The following ATP2A3 variants were observed in gnomAD, a reference collection of about 807,000 sequenced individuals.
ATP2A3 encodes sarcoplasmic/endoplasmic reticulum calcium ATPase 3.
In ATP2A3, 61 loss-of-function variants were observed where a neutral mutation model predicts 106.8. The observed-to-expected ratio is 0.57, with a 90% CI of 0.46 to 0.71. The LOEUF is 0.71. ATP2A3 is among the 30% of genes least tolerant of loss of function. The pLI, the probability that ATP2A3 is intolerant of heterozygous loss-of-function variation, is 0.00. For synonymous variants in ATP2A3, 611 were observed against 609.3 expected (o/e 1.00, Z -0.04); for missense variants, 1,201 against 1,423.5 (o/e 0.84, Z 2.52).
rs2052889883 is a variant in ATP2A3 at position 3,929,084 on chromosome 17, C to CTCG, written c.2862+241_2862+243dup. ...GCGGGAGGATTCTGCCCTGGGAAAG[C>CTCG]TCGTCCTTCCTCCCACCCCAGCCTG... is the stretch of plus-strand genomic sequence containing the variant. On this transcript the variant is annotated intron_variant, in intron 19 of 20. Coordinates refer to ENST00000397041, the MANE Select transcript of ATP2A3 (RefSeq NM_005173.4). This position sits in a 1 kb window ranked among gnomAD's most constrained non-coding sequence, Gnocchi z 4.3. Among the ~76,000 whole-genome samples the CTCG allele has an allele frequency of 6.6e-6, 1 of 152,180 alleles. No individual in the cohort carries two copies. Among genetic ancestry groups the CTCG allele is most frequent in the Non-Finnish European group, 1.5e-5 (1 of 68,030 alleles).
rs1321831889 is a variant in ATP2A3, at chr17:3,925,812, C to CGA, written c.2981-373_2981-372dup. Among the ~76,000 whole-genome samples the CGA allele has an allele frequency of 1.3e-5, 2 of 152,092 alleles. No homozygotes were observed. Among genetic ancestry groups the CGA allele is most frequent in the African/African-American group, 2.4e-5 (1 of 41,418 alleles). ...CCCAGGCCTGATTTCACCCAAATTG[C>CGA]GAGAGCTCATCTCTCCCACTGCCTT... On this transcript the variant is annotated intron_variant, in intron 20 of 20. Transcript: ENST00000397041. This position sits in a 1 kb window ranked among gnomAD's most constrained non-coding sequence, Gnocchi z 4.2.
rs749970958 is a variant in ATP2A3, at chr17:3,924,759, G to A, written c.*663C>T. ...GACATCCTCGCTCCGCCCTCCTGCC[G>A]GCTCCTTGTGTCCGTCTCTCTGACC... On this transcript the variant is annotated 3_prime_UTR_variant, in exon 21 of 21. Coordinates refer to ENST00000397041, the MANE Select transcript of ATP2A3 (RefSeq NM_005173.4). This position sits in a 1 kb window ranked among gnomAD's most constrained non-coding sequence, Gnocchi z 6.4. 51 of 456,594 alleles carry A rather than the reference G, an allele frequency of 1.1e-4. No individual in the cohort carries two copies. The highest frequency in any genetic ancestry group is 1.4e-4 in the Non-Finnish European group (31 of 226,932). 28.3% of individuals were successfully genotyped at this position (456,594 alleles called of 1,614,324 possible).
chr17:3,953,262 C>T lies in ATP2A3; in HGVS notation c.219+85G>A. 1 of 1,460,804 alleles carries T rather than the reference C, an allele frequency of 6.8e-7. No individual in the cohort carries two copies. Among genetic ancestry groups the T allele is most frequent in the South Asian group, 1.1e-5 (1 of 87,720 alleles). The allele number at this position is 1,460,804 out of a possible 1,614,324, so 90.5% of individuals were successfully genotyped here. A position where few individuals can be genotyped will look rare whatever the true frequency, so the allele number is the denominator to read the frequency against. ...CCAGGGTGTGGAGGACAGGCCCAGG[C>T]TCCAGGACCTCGGAGCACTGCCCAG... On this transcript the variant is annotated intron_variant, in intron 3 of 20. Transcript: ENST00000397041. This position sits in a 1 kb window ranked among gnomAD's most constrained non-coding sequence, Gnocchi z 5.1.
At chr17:3,941,342 C>T in intron 13 of ATP2A3, 36 bp from the exon 14 acceptor site, 1 of 1,613,322 alleles carries the variant, frequency 6.2e-7, no homozygotes, top group South Asian at 1.1e-5. Context: ...GGGGCCTGAG[C>T]CCATCCCTGA....
chr17:3,935,336 TC>T, intron 16 of ATP2A3, 59 bp from the exon 17 acceptor site: 1 of 1,504,400 alleles, frequency 6.6e-7, no homozygotes, highest in Non-Finnish European at 9.2e-7. Context: ...GGCGTCTGTT[TC>T]CCCTGCCTAA....
At chr17:3,946,261 A>T (rs1378967616) in intron 8 of ATP2A3, among the ~76,000 whole-genome samples, 2 of 125,930 alleles carry the variant, frequency 1.6e-5, no homozygotes, top group Admixed American at 8.4e-5. Flanking sequence ...AAAAAAAAAA[A>T]TTTATTAGGG....
Position 3,936,084 on chromosome 17 carries a change from T to G in ATP2A3, c.2524+183A>C, listed in dbSNP as rs2053426351. Among the ~76,000 whole-genome samples, 1 of 152,228 alleles carries G rather than the reference T, an allele frequency of 6.6e-6. No individual in the cohort carries two copies. Among genetic ancestry groups the G allele is most frequent in the African/African-American group, 2.4e-5 (1 of 41,450 alleles). ...GGGCCTGAGAATGAAGCTGAGGCAG[T>G]GCCAAAATATGCCAGTGATACTGAG... is the stretch of plus-strand genomic sequence containing the variant. On this transcript the variant is annotated intron_variant, in intron 16 of 20. Coordinates refer to ENST00000397041, the MANE Select transcript of ATP2A3 (RefSeq NM_005173.4). The surrounding 1 kb of genome is among the most constrained non-coding windows in gnomAD (Gnocchi z 5.4).
rs753503229 is a variant in ATP2A3 at position 3,936,356 on chromosome 17, G to C, written c.2435C>G (p.Pro812Arg). Residue 812 changes from proline to arginine, a missense_variant, in exon 16 of 21, where the codon CCA (proline) becomes CGA (arginine). By Grantham distance (103) the Pro-to-Arg change is moderately radical. This residue lies in a region of ATP2A3 where 935 missense variants were observed against 1,176.7 expected (regional missense o/e 0.79). Transcript: ENST00000397041. The surrounding 1 kb of genome is among the most constrained non-coding windows in gnomAD (Gnocchi z 5.4). ...LPATALGFNP[P>R]DLDIMEKLPR... is the part of the protein sequence containing the mutation. ...CAGCTTCTCCATGATGTCCAGGTCT[G>C]GCGGGTTGAAGCCCAGAGCCGTGGC... The C allele has an allele frequency of 6.2e-7, 1 of 1,614,168 alleles. No individual in the cohort carries two copies. The highest frequency in any genetic ancestry group is 8.5e-7 in the Non-Finnish European group (1 of 1,180,030).
intron 4 of ATP2A3, 38 bp downstream of exon 4, chr17:3,951,543 A>ACCC (rs56224024): frequency 4.3e-4 from 592 of 1,388,240 alleles, no homozygotes; most frequent in Middle Eastern, 7.6e-4. Context: ...TGGCTGGGAG[A>ACCC]CCGCCCCCCG....
chr17:3,945,613 C>T (rs968277981), intron 8 of ATP2A3, among the ~76,000 whole-genome samples: 7 of 152,212 alleles, frequency 4.6e-5, no homozygotes, highest in African/African-American at 1.7e-4. Flanking sequence ...GGGGCACAGA[C>T]CCCTCTAGCC....
intron 7 of ATP2A3, among the ~76,000 whole-genome samples, chr17:3,948,673 C>T (rs778672595): frequency 4.6e-5 from 7 of 152,176 alleles, no homozygotes; most frequent in Admixed American, 6.5e-5. Context: ...CCTGCTTTGG[C>T]CTCCCAAAGT....
rs867469219 is a variant in ATP2A3 at position 3,938,586 on chromosome 17, C to T, written c.2101-950G>A. Among the ~76,000 whole-genome samples the T allele has an allele frequency of 6.8e-4, 103 of 151,764 alleles. 1 individual carries two copies. The highest frequency in any genetic ancestry group is 2.3e-3 in the African/African-American group (94 of 41,408). Reference sequence around the variant, plus strand: ...TGGGGGACAGAGTCTCACTCTATCGCCCAGGCTGGAGTGCAATGGCACAAT... The same window carrying T: ...TGGGGGACAGAGTCTCACTCTATCGTCCAGGCTGGAGTGCAATGGCACAAT... On this transcript the variant is annotated intron_variant, in intron 14 of 20. Coordinates refer to ENST00000397041, the MANE Select transcript of ATP2A3 (RefSeq NM_005173.4).
rs1280159752 is a variant in ATP2A3, at chr17:3,936,460, G to A, written c.2331C>T (p.Leu777=). Residue 777 remains leucine (L), a synonymous_variant, in exon 16 of 21, where the codon CTC becomes CTT. Coordinates refer to ENST00000397041, the MANE Select transcript of ATP2A3 (RefSeq NM_005173.4). This position sits in a 1 kb window ranked among gnomAD's most constrained non-coding sequence, Gnocchi z 5.4. ...CTTCGGGCAGGCCCAGAATTGCCGTGAGGAAGATGCTGGAACAGAGTCATG... is the reference window on the plus strand; with the variant it reads ...CTTCGGGCAGGCCCAGAATTGCCGTAAGGAAGATGCTGGAACAGAGTCATG... ...SNVGEVVCIF[L]TAILGLPEAL... The A allele has an allele frequency of 9.9e-6, 16 of 1,614,070 alleles. No individual in the cohort carries two copies. Among genetic ancestry groups the A allele is most frequent in the Non-Finnish European group, 1.4e-5 (16 of 1,180,030 alleles).
chr17:3,940,031 C>CTTTTTTTTTTTT lies in ATP2A3; in HGVS notation c.2100+939_2100+940insAAAAAAAAAAAA, dbSNP rs1174008086. Among the ~76,000 whole-genome samples the CTTTTTTTTTTTT allele has an allele frequency of 1.0e-3, 97 of 96,512 alleles. 12 individuals are homozygous for CTTTTTTTTTTTT. Among genetic ancestry groups the CTTTTTTTTTTTT allele is most frequent in the Middle Eastern group, 6.4e-3 (1 of 156 alleles). 63.3% of individuals were successfully genotyped at this position (96,512 alleles called of 152,430 possible). A position where few individuals can be genotyped will look rare whatever the true frequency, so the allele number is the denominator to read the frequency against. On this transcript the variant is annotated intron_variant, in intron 14 of 20. Transcript: ENST00000397041. ...ATGGGTTGATGGTAATGTGTCATATCTTTTTTTTTTTGTTTTTTGTTTTTT... is the reference window on the plus strand; with the variant it reads ...ATGGGTTGATGGTAATGTGTCATATCTTTTTTTTTTTTTTTTTTTTTTTGTTTTTTGTTTTTT...
chr17:3,929,346 C>T lies in ATP2A3; in HGVS notation c.2844G>A (p.Leu948=). ...AMSMALHFLI[L]LVPPLPLIFQ... is the part of the protein sequence containing the mutation. Reference sequence around the variant, plus strand: ...GACTCACAGGCAGGGGCGGCACGAGCAGGATGAGGAAGTGCAGGGCCATGG... The same window carrying T: ...GACTCACAGGCAGGGGCGGCACGAGTAGGATGAGGAAGTGCAGGGCCATGG... Residue 948 remains leucine, a synonymous_variant, in exon 19 of 21, where the codon CTG becomes CTA. Transcript: ENST00000397041. The surrounding 1 kb of genome is among the most constrained non-coding windows in gnomAD (Gnocchi z 4.3). The T allele has an allele frequency of 6.4e-7, 1 of 1,553,768 alleles. No individual in the cohort carries two copies. Among genetic ancestry groups the T allele is most frequent in the Middle Eastern group, 1.9e-4 (1 of 5,366 alleles).
Position 3,925,137 on chromosome 17 carries a change from G to A in ATP2A3, c.*285C>T. The A allele has an allele frequency of 1.7e-6, 1 of 585,096 alleles. No individual in the cohort carries two copies. Among genetic ancestry groups the A allele is most frequent in the Non-Finnish European group, 3.0e-6 (1 of 329,394 alleles). The allele number at this position is 585,096 out of a possible 1,614,324, so 36.2% of individuals were successfully genotyped here. A position where few individuals can be genotyped will look rare whatever the true frequency, so the allele number is the denominator to read the frequency against. On this transcript the variant is annotated 3_prime_UTR_variant, in exon 21 of 21. Coordinates refer to ENST00000397041, the MANE Select transcript of ATP2A3 (RefSeq NM_005173.4). The surrounding 1 kb of genome is among the most constrained non-coding windows in gnomAD (Gnocchi z 4.2). ...TGCTGCCAGCTCCGGCTTCTTGGCTGCCCCCTCCCAGCCTGCAGCTCCTGG... is the reference window on the plus strand; with the variant it reads ...TGCTGCCAGCTCCGGCTTCTTGGCTACCCCCTCCCAGCCTGCAGCTCCTGG...
Position 3,925,509 on chromosome 17 carries a change from C to T in ATP2A3, c.2981-68G>A, listed in dbSNP as rs375339697. On this transcript the variant is annotated intron_variant, in intron 20 of 20. Coordinates refer to ENST00000397041, the MANE Select transcript of ATP2A3 (RefSeq NM_005173.4). The surrounding 1 kb of genome is among the most constrained non-coding windows in gnomAD (Gnocchi z 4.2). ...GGCACACATCCAGACAGCTTCCTTC[C>T]AGCCCCTTCCATCCTCCACTTCTCC... is the stretch of plus-strand genomic sequence containing the variant. 3 of 1,550,096 alleles carry T rather than the reference C, an allele frequency of 1.9e-6. No homozygotes were observed. The highest frequency in any genetic ancestry group is 1.9e-5 in the Admixed American group (1 of 52,340).
At chr17:3,950,866 G>A in intron 5 of ATP2A3, 93 bp from the exon 6 acceptor site, 1 of 1,261,126 alleles carries the variant, frequency 7.9e-7, no homozygotes, top group South Asian at 1.3e-5. Flanking sequence ...GCTGGGGCTG[G>A]GCGTCGGGTG....
At chr17:3,945,236 GC>G in intron 8 of ATP2A3, 88 bp from the exon 9 acceptor site, 2 of 1,305,602 alleles carry the variant, frequency 1.5e-6, no homozygotes, top group Non-Finnish European at 1.1e-6. Context: ...GGTCCTGCAG[GC>G]CCCCTGCCCG....
Sources: allele counts gnomAD v4.1 joint callset (sites outside exome capture counted in the v4.1 genomes callset), GRCh38; gene constraint gnomAD v4.1.1; regional missense constraint gnomAD v4.1.1; non-coding constraint Gnocchi (gnomAD v3.1); transcripts MANE v1.5; gene names NCBI Gene and HGNC (gene_info 2026-07-23, HGNC 2026-07-21).